SAMD5: variants seen among roughly 807,000 people sequenced by gnomAD.
The protein encoded by SAMD5 is sterile alpha motif domain containing 5, also known as sterile alpha motif domain-containing protein 5.
A neutral mutation model predicts 11.3 loss-of-function variants in SAMD5; 13 were observed. The ratio of observed to expected loss-of-function variants is 1.15; its 90% CI spans 0.75 to 1.83. SAMD5 has a LOEUF of 1.83. Ranked by LOEUF, SAMD5 falls within the 40% of genes most tolerant of loss-of-function variation. SAMD5 has a pLI of 0.00. For missense variants in SAMD5, 255 were observed against 239.1 expected (o/e 1.07, Z -0.44); for synonymous variants, 129 against 111.3 (o/e 1.16, Z -1.00).
At chr6:147,927,148 C>CT in the SAMD5 span, among the ~76,000 whole-genome samples, 65 of 151,788 alleles carry the variant, frequency 4.3e-4, 1 homozygote, top group East Asian at 4.5e-3. Context: ...GTTATTCGGG[C>CT]TTTTTTTTGT....
chr6:147,721,089 A>C (rs910432957), intron 1 of SAMD5, among the ~76,000 whole-genome samples: 8 of 134,412 alleles, frequency 6.0e-5, no homozygotes, highest in African/African-American at 2.4e-4. Flanking sequence ...TTCTTAATCC[A>C]GTCTATCATT....
At chr6:147,539,157 C>T (rs572826481) in intron 1 of SAMD5, among the ~76,000 whole-genome samples, 2 of 152,324 alleles carry the variant, frequency 1.3e-5, no homozygotes, top group South Asian at 4.1e-4. Flanking sequence ...CCATTTTATA[C>T]TGGATCCTGG....
the SAMD5 span, among the ~76,000 whole-genome samples, chr6:147,744,633 C>T: frequency 6.6e-6 from 1 of 152,174 alleles, no homozygotes; most frequent in African/African-American, 2.4e-5. Flanking sequence ...CGCGGTGGCT[C>T]ATGCCTGTAA....
the SAMD5 span, among the ~76,000 whole-genome samples, chr6:147,886,930 C>A: frequency 6.6e-6 from 1 of 152,176 alleles, no homozygotes; most frequent in Non-Finnish European, 1.5e-5. Flanking sequence ...GAAATGGATT[C>A]TTTTCCAGTT....
At chr6:147,541,116 A>G (rs898421302) in intron 1 of SAMD5, among the ~76,000 whole-genome samples, 23 of 151,618 alleles carry the variant, frequency 1.5e-4, no homozygotes, top group African/African-American at 5.6e-4. Flanking sequence ...CGCCTGGATA[A>G]TATTTGTATT....
chr6:147,935,623 G>C, the SAMD5 span, among the ~76,000 whole-genome samples: 5 of 151,888 alleles, frequency 3.3e-5, no homozygotes, highest in East Asian at 9.7e-4. Context: ...AAGAAAAAAA[G>C]AATGCACGTA....
chr6:147,694,245 A>T (rs537653950), intron 1 of SAMD5, among the ~76,000 whole-genome samples: 1 of 152,214 alleles, frequency 6.6e-6, no homozygotes, highest in African/African-American at 2.4e-5. Flanking sequence ...CAATTAACCT[A>T]TCACTCCTTT....
At chr6:147,871,782 T>G in the SAMD5 span, among the ~76,000 whole-genome samples, 4,239 of 152,238 alleles carry the variant, frequency 0.028, 191 homozygotes, top group African/African-American at 0.095. Context: ...CGTTCAAAAA[T>G]CTGTCAGTTT....
intron 1 of SAMD5, among the ~76,000 whole-genome samples, chr6:147,594,763 T>G (rs924531857): frequency 6.6e-6 from 1 of 152,104 alleles, no homozygotes; most frequent in Admixed American, 6.5e-5. Context: ...CTCTCAGAAA[T>G]TTGGCCATAT....
At chr6:147,646,016 ATCTATCTATGTATCTATCTATC>A (rs1790392693) in intron 1 of SAMD5, among the ~76,000 whole-genome samples, 1 of 15,630 alleles carries the variant, frequency 6.4e-5, no homozygotes, top group Non-Finnish European at 1.5e-4. Flanking sequence ...CTGTCTATGT[ATCTATCTATGTATCTATCTATC>A]TATCTATCTA....
intron 1 of SAMD5, among the ~76,000 whole-genome samples, chr6:147,672,855 AATTTATTT>A (rs1218999453): frequency 1.3e-5 from 2 of 152,010 alleles, no homozygotes; most frequent in African/African-American, 4.8e-5. Context: ...TACATTTCAC[AATTTATTT>A]ATTTATTTAT....
chr6:147,820,224 T>G, the SAMD5 span, among the ~76,000 whole-genome samples: 16 of 152,362 alleles, frequency 1.1e-4, no homozygotes, highest in African/African-American at 3.6e-4. Context: ...TCATTTCAAG[T>G]TAGAATCAAC....
chr6:147,798,633 T>G, the SAMD5 span, among the ~76,000 whole-genome samples: 2 of 151,998 alleles, frequency 1.3e-5, no homozygotes, highest in Non-Finnish European at 2.9e-5. Context: ...TGTTGACTTT[T>G]TGTCTCGTTG....
chr6:147,794,222 G>A, the SAMD5 span, among the ~76,000 whole-genome samples: 1 of 152,102 alleles, frequency 6.6e-6, no homozygotes, highest in Non-Finnish European at 1.5e-5. Flanking sequence ...ACTATACAAT[G>A]GTTGTAACAC....
chr6:147,906,933 GT>G, the SAMD5 span, among the ~76,000 whole-genome samples: 1,872 of 152,240 alleles, frequency 0.012, 39 homozygotes, highest in African/African-American at 0.042. Flanking sequence ...CTGACAAATA[GT>G]TTTTTCAAAG....
chr6:147,599,385 G>A (rs1443285433), intron 1 of SAMD5, among the ~76,000 whole-genome samples: 9 of 152,054 alleles, frequency 5.9e-5, no homozygotes, highest in Non-Finnish European at 1.2e-4. Context: ...AGTGAGATAA[G>A]GTTTCTAAAA....
intron 1 of SAMD5, among the ~76,000 whole-genome samples, chr6:147,736,554 T>C (rs890136011): frequency 2.0e-5 from 3 of 152,256 alleles, no homozygotes; most frequent in Non-Finnish European, 2.9e-5. Context: ...AGTGAACATA[T>C]GGACTTAGAT....
At chr6:147,523,989 T>C (rs1788295440) in intron 1 of SAMD5, among the ~76,000 whole-genome samples, 1 of 152,192 alleles carries the variant, frequency 6.6e-6, no homozygotes, top group Non-Finnish European at 1.5e-5. Flanking sequence ...AGGAATTTAC[T>C]CTTTGAGACC....
chr6:147,702,494 T>C (rs1221727673), intron 1 of SAMD5, among the ~76,000 whole-genome samples: 2 of 152,146 alleles, frequency 1.3e-5, no homozygotes, highest in Non-Finnish European at 2.9e-5. Context: ...ATACATTTGG[T>C]GATAAAAGAT....
Sources: allele counts gnomAD v4.1 joint callset (sites outside exome capture counted in the v4.1 genomes callset), GRCh38; gene constraint gnomAD v4.1.1; transcripts MANE v1.5; gene names NCBI Gene and HGNC (gene_info 2026-07-23, HGNC 2026-07-21).